Variants in RAB3C observed in about 807,000 individuals in gnomAD.
RAB3C encodes RAB3C, member RAS oncogene family.
A neutral mutation model predicts 26.4 loss-of-function variants in RAB3C; 17 were observed. The observed-to-expected ratio is 0.64, with a 90% CI of 0.44 to 0.97. RAB3C has a LOEUF of 0.97. Ranked by LOEUF, RAB3C falls within the 50% of genes least tolerant of loss-of-function variation. The probability of loss-of-function intolerance (pLI) is 0.00; values close to 1 mark genes in which losing one functional copy is unlikely to be tolerated. For missense variants in RAB3C, 242 were observed against 281.9 expected (o/e 0.86, Z 1.01); for synonymous variants, 91 against 95.9 (o/e 0.95, Z 0.30).
At chr5:58,761,114 T>C (rs1741789621) in intron 3 of RAB3C, among the ~76,000 whole-genome samples, 1 of 149,482 alleles carries the variant, frequency 6.7e-6, no homozygotes, top group South Asian at 2.1e-4. Context: ...GAAGACCATA[T>C]ACCACATTGT....
chr5:58,685,311 A>G (rs1309419206), intron 2 of RAB3C, among the ~76,000 whole-genome samples: 1 of 152,266 alleles, frequency 6.6e-6, no homozygotes, highest in East Asian at 1.9e-4. Flanking sequence ...TGGAGGTTCC[A>G]GGAAGAATCT....
intron 2 of RAB3C, among the ~76,000 whole-genome samples, chr5:58,684,005 G>A (rs1180831395): frequency 6.6e-6 from 1 of 152,028 alleles, no homozygotes; most frequent in African/African-American, 2.4e-5. Flanking sequence ...AATATGTACA[G>A]GAAAAATATA....
chr5:58,657,808 C>T (rs1747814483), intron 2 of RAB3C, among the ~76,000 whole-genome samples: 1 of 151,840 alleles, frequency 6.6e-6, no homozygotes, highest in African/African-American at 2.4e-5. Context: ...TAGTTTTATC[C>T]CCCCTAAAAC....
intron 3 of RAB3C, among the ~76,000 whole-genome samples, chr5:58,743,102 T>G (rs750161304): frequency 6.6e-6 from 1 of 152,154 alleles, no homozygotes; most frequent in Admixed American, 6.5e-5. Context: ...ACCCAAATAC[T>G]GTGCAACCTT....
At chr5:58,597,336 T>A (rs1270861580) in intron 1 of RAB3C, among the ~76,000 whole-genome samples, 17 of 244 alleles carry the variant, frequency 0.07, 4 homozygotes, top group Non-Finnish European at 0.13. Context: ...TATATAATCA[T>A]TATATATAAG....
At chr5:58,725,116 G>A (rs892647011) in intron 2 of RAB3C, among the ~76,000 whole-genome samples, 6 of 151,814 alleles carry the variant, frequency 4.0e-5, no homozygotes, top group Admixed American at 2.6e-4. Context: ...TTGTAGATGG[G>A]TCTGGTGGTG....
intron 4 of RAB3C, among the ~76,000 whole-genome samples, chr5:58,849,974 A>T (rs1330872846): frequency 6.6e-6 from 1 of 152,230 alleles, no homozygotes; most frequent in Non-Finnish European, 1.5e-5. Flanking sequence ...ATAGGGCCAG[A>T]TGTAACCAGA....
intron 2 of RAB3C, among the ~76,000 whole-genome samples, chr5:58,638,457 A>C (rs1747334137): frequency 6.6e-6 from 1 of 151,506 alleles, no homozygotes; most frequent in Admixed American, 6.6e-5. Context: ...ATTCTCATGG[A>C]GTTATATTTA....
At chr5:58,589,581 A>G (rs1437099638) in intron 1 of RAB3C, among the ~76,000 whole-genome samples, 1 of 152,174 alleles carries the variant, frequency 6.6e-6, no homozygotes, top group Non-Finnish European at 1.5e-5. Context: ...TAATTTTTAA[A>G]GATTTCATTG....
Position 58,720,805 on chromosome 5 carries a change from G to A in RAB3C, c.253-5197G>A, listed in dbSNP as rs558550854. Reference sequence around the variant, plus strand: ...GGTATCCAATAAATGTATTTTGATCGTGGTTATATTATTTGAGTTGTATTT... The same window carrying A: ...GGTATCCAATAAATGTATTTTGATCATGGTTATATTATTTGAGTTGTATTT... On this transcript the variant is annotated intron_variant, in intron 2 of 4. Coordinates refer to ENST00000282878, the MANE Select transcript of RAB3C (RefSeq NM_138453.4). Among the ~76,000 whole-genome samples, 79 of 151,704 alleles carry A rather than the reference G, an allele frequency of 5.2e-4. 1 individual carries two copies. The highest frequency in any genetic ancestry group is 1.9e-3 in the African/African-American group (78 of 41,426).
chr5:58,640,548 A>C (rs764504855), intron 2 of RAB3C, among the ~76,000 whole-genome samples: 8 of 152,326 alleles, frequency 5.3e-5, no homozygotes, highest in Non-Finnish European at 7.3e-5. Context: ...ATGAGCCAAC[A>C]TACTGTGAGG....
At chr5:58,584,743 GT>G (rs1281245968) in intron 1 of RAB3C, among the ~76,000 whole-genome samples, 1 of 151,962 alleles carries the variant, frequency 6.6e-6, no homozygotes, top group Non-Finnish European at 1.5e-5. Flanking sequence ...GAAAAATAAA[GT>G]AGATTGTTAA....
At chr5:58,659,384 A>C (rs1282077976) in intron 2 of RAB3C, among the ~76,000 whole-genome samples, 2 of 152,208 alleles carry the variant, frequency 1.3e-5, no homozygotes, top group Non-Finnish European at 2.9e-5. Context: ...CTGGCACACA[A>C]TAAACTCTCA....
At chr5:58,628,386 G>A (rs1747110247) in intron 2 of RAB3C, among the ~76,000 whole-genome samples, 4 of 152,144 alleles carry the variant, frequency 2.6e-5, no homozygotes, top group Admixed American at 2.6e-4. Context: ...TCCAGAGCTA[G>A]CATCAGAGAG....
At chr5:58,716,096 A>T (rs1002132820) in intron 2 of RAB3C, among the ~76,000 whole-genome samples, 1 of 151,816 alleles carries the variant, frequency 6.6e-6, no homozygotes, top group Admixed American at 6.6e-5. Context: ...AGCAGGAAAA[A>T]AAAAAAAGAA....
At chr5:58,716,273 T>G (rs1351252673) in intron 2 of RAB3C, among the ~76,000 whole-genome samples, 1 of 151,960 alleles carries the variant, frequency 6.6e-6, no homozygotes, top group Non-Finnish European at 1.5e-5. Context: ...GAAAAATGAA[T>G]GGGGTTTGAA....
At chr5:58,612,563 T>TAC (rs1746738611) in intron 1 of RAB3C, among the ~76,000 whole-genome samples, 3 of 136,292 alleles carry the variant, frequency 2.2e-5, no homozygotes, top group South Asian at 2.3e-4. Context: ...TATATATATA[T>TAC]GTATATATAT....
At chr5:58,803,302 G>T (rs1273198877) in intron 3 of RAB3C, among the ~76,000 whole-genome samples, 2 of 152,158 alleles carry the variant, frequency 1.3e-5, no homozygotes, top group African/African-American at 4.8e-5. Context: ...AGATAGATTT[G>T]CTGCACTAGG....
chr5:58,628,500 T>TG (rs1747114196), intron 2 of RAB3C, among the ~76,000 whole-genome samples: 1 of 152,158 alleles, frequency 6.6e-6, no homozygotes, highest in Non-Finnish European at 1.5e-5. Context: ...CCTTGGCCTT[T>TG]TAGAACACAG....
Sources: gnomAD v4.1 joint callset for allele counts (sites outside exome capture counted in the v4.1 genomes callset) on GRCh38, gnomAD v4.1.1 for gene constraint, MANE v1.5 for transcripts, NCBI Gene and HGNC (gene_info 2026-07-23, HGNC 2026-07-21) for gene names.